The following LAMA2 variants were observed in gnomAD, a reference collection of about 807,000 sequenced individuals.
The protein encoded by LAMA2 is laminin subunit alpha-2.
LAMA2 carries 269 observed loss-of-function variants against 364.8 expected under a neutral mutation model. That is an observed-to-expected ratio of 0.74 (90% confidence interval 0.67 to 0.82). LAMA2 has a LOEUF of 0.82. Among genes scored for constraint, LAMA2 ranks in the 40% least tolerant of loss-of-function variants. The probability of loss-of-function intolerance (pLI) is 0.00; values close to 1 mark genes in which losing one functional copy is unlikely to be tolerated. For missense variants in LAMA2, 3,807 were observed against 3,873.2 expected, an observed-to-expected ratio of 0.98 and a Z score of 0.45; for synonymous variants, 1,379 against 1,370.6, an observed-to-expected ratio of 1.01 and a Z score of -0.14.
chr6:129,013,622 G>C (rs1433232586), intron 1 of LAMA2, among the ~76,000 whole-genome samples: 3 of 152,006 alleles, frequency 2.0e-5, no homozygotes, highest in Admixed American at 6.6e-5. Context: ...AGGTGGACAG[G>C]GACCAGAACA....
chr6:129,336,247 C>T (rs930625134), intron 29 of LAMA2, among the ~76,000 whole-genome samples: 5 of 151,836 alleles, frequency 3.3e-5, no homozygotes, highest in African/African-American at 7.3e-5. Context: ...TCCAGGAGTT[C>T]GAGACCAGCA....
intron 51 of LAMA2, 78 bp from the exon 52 acceptor site, chr6:129,473,136 G>C: frequency 8.7e-7 from 1 of 1,143,502 alleles, no homozygotes; most frequent in Non-Finnish European, 1.3e-6. Flanking sequence ...AACCAAATTT[G>C]TCTTGAAGTA....
At chr6:129,076,166 C>G (rs1773620467) in intron 3 of LAMA2, among the ~76,000 whole-genome samples, 1 of 151,470 alleles carries the variant, frequency 6.6e-6, no homozygotes, top group Non-Finnish European at 1.5e-5. Flanking sequence ...GTGATGTGCA[C>G]TGGGAAAGAG....
chr6:129,205,385 T>A (rs1782558740), intron 12 of LAMA2, among the ~76,000 whole-genome samples: 1 of 145,124 alleles, frequency 6.9e-6, no homozygotes, highest in Non-Finnish European at 1.5e-5. Flanking sequence ...GAGCAAGGGA[T>A]TCCATCTCAA....
intron 12 of LAMA2, among the ~76,000 whole-genome samples, chr6:129,249,146 A>T (rs1375290954): frequency 1.3e-5 from 2 of 152,160 alleles, no homozygotes; most frequent in African/African-American, 4.8e-5. Context: ...CCCAACCAGG[A>T]ATTGCTGTCT....
chr6:128,994,232 G>T (rs780676578), intron 1 of LAMA2, among the ~76,000 whole-genome samples: 4 of 152,102 alleles, frequency 2.6e-5, no homozygotes, highest in East Asian at 3.8e-4. Flanking sequence ...AGTATTTGGG[G>T]GTATACATTA....
intron 35 of LAMA2, among the ~76,000 whole-genome samples, chr6:129,389,516 C>T (rs955208149): frequency 6.6e-5 from 10 of 152,158 alleles, no homozygotes; most frequent in East Asian, 3.9e-4. Context: ...TCATTCTTGC[C>T]CTTATGACCT....
At chr6:129,438,949 T>G (rs892069433) in intron 42 of LAMA2, among the ~76,000 whole-genome samples, 187 bp downstream of exon 42, 1 of 152,052 alleles carries the variant, frequency 6.6e-6, no homozygotes, top group African/African-American at 2.4e-5. Context: ...TTATGGTATT[T>G]TTTATCTTTT....
intron 1 of LAMA2, chr6:128,928,984 CAGA>C (rs1779270245): frequency 3.4e-6 from 4 of 1,190,636 alleles, no homozygotes; most frequent in Non-Finnish European, 5.0e-6. Flanking sequence ...CATTCCAGCT[CAGA>C]AGGAGCAGAA....
intron 12 of LAMA2, among the ~76,000 whole-genome samples, chr6:129,228,613 A>C (rs1258933561): frequency 6.6e-6 from 1 of 152,206 alleles, no homozygotes; most frequent in African/African-American, 2.4e-5. Flanking sequence ...ATCATAACAC[A>C]TGTGTATAAT....
At chr6:129,206,208 A>G (rs1766244141) in intron 12 of LAMA2, among the ~76,000 whole-genome samples, 1 of 152,084 alleles carries the variant, frequency 6.6e-6, no homozygotes, top group Non-Finnish European at 1.5e-5. Context: ...TCTAATCTAT[A>G]TGTATGACTA....
chr6:129,228,558 T>C (rs1230378722), intron 12 of LAMA2, among the ~76,000 whole-genome samples: 5 of 152,206 alleles, frequency 3.3e-5, no homozygotes, highest in Admixed American at 6.5e-5. Context: ...TTATTTCATT[T>C]CTCATACTTC....
chr6:128,885,022 C>G (rs1333389588), intron 1 of LAMA2, among the ~76,000 whole-genome samples: 1 of 152,026 alleles, frequency 6.6e-6, no homozygotes, highest in East Asian at 1.9e-4. Flanking sequence ...TTTCTATGAC[C>G]CAGGCACAAG....
In LAMA2 at chr6:129,300,728, C is replaced by A; in HGVS notation, c.3038-8C>A. On this transcript the variant is annotated splice_polypyrimidine_tract_variant and splice_region_variant and intron_variant, in intron 21 of 64. Coordinates refer to ENST00000421865, the MANE Select transcript of LAMA2 (RefSeq NM_000426.4). ...CCCTTCTTTGTTTTCCCTCTTATAC[C>A]GGTGAAGCTTGTGAATGTTCTCATC... 2.5e-6 allele frequency: 4 copies of A among 1,613,404 alleles called. No individual in the cohort carries two copies. Among genetic ancestry groups the A allele is most frequent in the Non-Finnish European group, 3.4e-6 (4 of 1,179,466 alleles).
At chr6:129,213,580 TGTA>T (rs1783237152) in intron 12 of LAMA2, among the ~76,000 whole-genome samples, 1 of 152,212 alleles carries the variant, frequency 6.6e-6, no homozygotes, top group Non-Finnish European at 1.5e-5. Context: ...CTAATAGATA[TGTA>T]GTGGTATATC....
intron 62 of LAMA2, 120 bp from the exon 63 acceptor site, chr6:129,512,243 C>A (rs1786645407): frequency 4.3e-6 from 4 of 922,808 alleles, no homozygotes; most frequent in East Asian, 5.3e-5. Context: ...AAACTTATAG[C>A]CCTCATTAGA....
intron 1 of LAMA2, chr6:128,905,575 T>A (rs1289015906): frequency 6.6e-6 from 1 of 152,112 alleles, no homozygotes; most frequent in African/African-American, 2.4e-5. Flanking sequence ...AAACAGCATT[T>A]TAAAGGTATA....
At chr6:129,198,018 A>T (rs1781950678) in intron 12 of LAMA2, among the ~76,000 whole-genome samples, 1 of 152,120 alleles carries the variant, frequency 6.6e-6, no homozygotes, top group African/African-American at 2.4e-5. Context: ...CGTCAACTGA[A>T]TGAATACTAG....
chr6:129,049,403 A>G (rs1025817644), intron 1 of LAMA2, among the ~76,000 whole-genome samples: 2 of 152,252 alleles, frequency 1.3e-5, no homozygotes, highest in African/African-American at 4.8e-5. Context: ...TGGTATTCCA[A>G]AGTAAACATT....
Sources: allele counts gnomAD v4.1 joint callset (sites outside exome capture counted in the v4.1 genomes callset), GRCh38; gene constraint gnomAD v4.1.1; transcripts MANE v1.5; gene names NCBI Gene and HGNC (gene_info 2026-07-23, HGNC 2026-07-21).